Variants in CPLANE1 observed in about 807,000 individuals in gnomAD.
The protein encoded by CPLANE1 is ciliogenesis and planar polarity effector complex subunit 1.
CPLANE1 carries 263 observed loss-of-function variants against 362.5 expected under a neutral mutation model. The observed-to-expected ratio is 0.73, with a 90% confidence interval of 0.66 to 0.80. The LOEUF (loss-of-function observed/expected upper bound fraction) is 0.80. Ranked by LOEUF, CPLANE1 falls within the 30% of genes least tolerant of loss-of-function variation. CPLANE1 has a pLI of 0.00. For missense variants in CPLANE1, 3,461 were observed against 3,793.4 expected, an observed-to-expected ratio of 0.91 and a Z score of 2.30; for synonymous variants, 1,212 against 1,302.6, an observed-to-expected ratio of 0.93 and a Z score of 1.50.
intron 41 of CPLANE1, 56 bp downstream of exon 41, chr5:37,157,257 T>C: frequency 9.0e-7 from 1 of 1,115,318 alleles, no homozygotes; most frequent in Non-Finnish European, 1.2e-6. Flanking sequence ...TTGGTGCTTG[T>C]TTCCAATACA....
At chr5:37,167,256 TCAA>T (rs1457293933) in intron 34 of CPLANE1, 43 bp from the exon 35 acceptor site, 7 of 1,466,942 alleles carry the variant, frequency 4.8e-6, no homozygotes. Context: ...AATTGCAAAC[TCAA>T]TTATGTAATA....
chr5:37,095,562 C>T, the CPLANE1 span, among the ~76,000 whole-genome samples: 7 of 152,150 alleles, frequency 4.6e-5, no homozygotes, highest in African/African-American at 1.2e-4. Flanking sequence ...CAACATAGTA[C>T]TGGAAGACCT....
the CPLANE1 span, among the ~76,000 whole-genome samples, chr5:37,080,165 T>C: frequency 6.6e-6 from 1 of 152,126 alleles, no homozygotes; most frequent in African/African-American, 2.4e-5. Context: ...TTGGACAAAA[T>C]ATATGTAAGG....
At chr5:37,113,495 T>C (rs1314006011) in intron 51 of CPLANE1, among the ~76,000 whole-genome samples, 1 of 152,116 alleles carries the variant, frequency 6.6e-6, no homozygotes, top group Non-Finnish European at 1.5e-5. Context: ...AACAGACTAA[T>C]ACACAAGCAC....
intron 21 of CPLANE1, among the ~76,000 whole-genome samples, chr5:37,188,840 G>C (rs1483992875): frequency 2.0e-5 from 3 of 152,086 alleles, no homozygotes; most frequent in Non-Finnish European, 4.4e-5. Context: ...TGCCTTAATT[G>C]TTTATTTTTA....
chr5:37,097,191 A>T, the CPLANE1 span, among the ~76,000 whole-genome samples: 49 of 152,236 alleles, frequency 3.2e-4, no homozygotes, highest in African/African-American at 1.2e-3. Flanking sequence ...TCGTTTTTTT[A>T]AAAATTAAAA....
intron 20 of CPLANE1, among the ~76,000 whole-genome samples, chr5:37,196,232 C>T (rs1787388091): frequency 2.7e-5 from 4 of 150,756 alleles, no homozygotes; most frequent in Admixed American, 2.6e-4. Flanking sequence ...CACAATTTTG[C>T]CTGTATAAGA....
Position 37,198,768 on chromosome 5 carries a change from C to T in CPLANE1, c.3606G>A (p.Gln1202=), listed in dbSNP as rs1461104707. 2 of 1,613,994 alleles carry T rather than the reference C, an allele frequency of 1.2e-6. No homozygotes were observed. The highest frequency in any genetic ancestry group is 1.7e-5 in the Admixed American group (1 of 59,998). The part of the protein sequence containing the change: ...QRVLLLFRAA[Q]CSFPVAQWYI... The stretch of plus-strand genomic sequence containing the variant: ...ACCACTGTGCTACAGGAAAAGAACA[C>T]TGAGCCGCCCGGAAAAGCAGGAGAA... Residue 1202 remains glutamine, a synonymous_variant, in exon 20 of 53, where the codon CAG becomes CAA. Coordinates refer to ENST00000651892, the MANE Select transcript of CPLANE1 (RefSeq NM_001384732.1).
Position 37,213,727 on chromosome 5 carries a change from C to T in CPLANE1, c.2752G>A (p.Ala918Thr). The T allele has an allele frequency of 3.3e-6, 5 of 1,500,616 alleles. No homozygotes were observed. The highest frequency in any genetic ancestry group is 4.5e-6 in the Non-Finnish European group (5 of 1,116,674). The allele number at this position is 1,500,616 out of a possible 1,614,324, so 93.0% of individuals were successfully genotyped here. Reference protein sequence around the residue: ...VKENKDFSGAAKSHFECGMVG... With the variant: ...VKENKDFSGATKSHFECGMVG... ...ATTCCACACTCAAAATGAGACTTTG[C>T]AGCACCTAAGGAATACAGCAATGAC... The change falls in exon 16 of 53, where the codon GCA becomes ACA. Residue 918 changes from alanine to threonine, a missense_variant. Ala to Thr is a moderately conservative substitution (Grantham distance 58). This residue lies in a region of CPLANE1 where 3,380 missense variants were observed against 3,666.1 expected (regional missense o/e 0.92). Transcript: ENST00000651892.
In CPLANE1 at chr5:37,223,948, AC is replaced by A. The variant is rs1795897857; in HGVS notation, c.2581+304del. 2.0e-5 allele frequency among the ~76,000 whole-genome samples: 3 copies of A among 152,212 alleles called. No individual in the cohort carries two copies. The South Asian group carries it at 6.2e-4, about 32-fold the overall frequency. On this transcript the variant is annotated intron_variant, in intron 14 of 52. Transcript: ENST00000651892. ...GGCTTTATCACAAATCAAAGAAAGGACAGAAGGAGACTTATCTACAGATCAC... is the reference window on the plus strand; with the variant it reads ...GGCTTTATCACAAATCAAAGAAAGGAAGAAGGAGACTTATCTACAGATCAC...
In CPLANE1 at chr5:37,120,359, AATT is replaced by A; in HGVS notation, c.9186-22_9186-20del. 6.5e-7 allele frequency: 1 copy of A among 1,540,576 alleles called. No homozygotes were observed. Among genetic ancestry groups the A allele is most frequent in the African/African-American group, 1.4e-5 (1 of 70,164 alleles). ...ATTCTCTCTATAGTAGAAATCACAT[AATT>A]ATTACATTCCCAGAATCTCATATCA... On this transcript the variant is annotated intron_variant, in intron 49 of 52. Coordinates refer to ENST00000651892, the MANE Select transcript of CPLANE1 (RefSeq NM_001384732.1).
At chr5:37,150,263 T>C (rs773341223) in intron 42 of CPLANE1, among the ~76,000 whole-genome samples, 2 of 152,324 alleles carry the variant, frequency 1.3e-5, no homozygotes, top group African/African-American at 4.8e-5. Context: ...TCAAGTCTTG[T>C]TGAATACTCA....
Position 37,167,040 on chromosome 5 carries a change from G to C in CPLANE1, c.7400+7C>G, listed in dbSNP as rs771022441. On this transcript the variant is annotated splice_region_variant and intron_variant, in intron 35 of 52. Transcript: ENST00000651892. ...TATTATCAAATAAAATTTCACTTAA[G>C]CCTTGCCTTTTTTTACTGTCCTTTC... 4 of 1,600,758 alleles carry C rather than the reference G, an allele frequency of 2.5e-6. No homozygotes were observed. The highest frequency in any genetic ancestry group is 1.7e-6 in the Non-Finnish European group (2 of 1,174,246).
chr5:37,183,574 G>C lies in CPLANE1; in HGVS notation c.4607C>G (p.Pro1536Arg). ...TTCAAATTCCCAAACACCTATTACA[G>C]GAAGTGTATTTTGTGATAACTTTTC... ...DHEKLSQNTL[P>R]VIGVWEFERD... is the part of the protein sequence containing the mutation. The change falls in exon 26 of 53, where the codon CCT becomes CGT. Residue 1536 changes from proline to arginine, a missense_variant. Around this residue, in one of 2 missense-constraint regions of CPLANE1, gnomAD observed 3,380 missense variants for 3,666.1 expected, o/e 0.92. Transcript: ENST00000651892. 6.2e-7 allele frequency: 1 copy of C among 1,612,640 alleles called. No homozygotes were observed.
chr5:37,115,138 T>A, intron 50 of CPLANE1, 89 bp from the exon 51 acceptor site: 1 of 853,662 alleles, frequency 1.2e-6, no homozygotes. Flanking sequence ...GACACCTTGG[T>A]GATCAGCTTT....
In CPLANE1 at chr5:37,168,957, G is replaced by A; in HGVS notation, c.7067C>T (p.Ser2356Phe). The change falls in exon 34 of 53, where the codon TCC becomes TTC. Residue 2356 changes from serine (S) to phenylalanine (F), a missense_variant. This residue lies in a region of CPLANE1 where 3,380 missense variants were observed against 3,666.1 expected (regional missense o/e 0.92). Transcript: ENST00000651892. ...PGTLEISPHH[S>F]FGLPLLYLPL... ...CAGGTATAGTAACGGAAGTCCAAAG[G>A]AATGGTGAGGAGATATCTCAAGGGT... 6.2e-7 allele frequency: 1 copy of A among 1,614,142 alleles called. No individual in the cohort carries two copies. The highest frequency in any genetic ancestry group is 8.5e-7 in the Non-Finnish European group (1 of 1,180,016).
At chr5:37,170,959 C>A (rs1779639294) in intron 32 of CPLANE1, among the ~76,000 whole-genome samples, 1 of 151,988 alleles carries the variant, frequency 6.6e-6, no homozygotes, top group African/African-American at 2.4e-5. Flanking sequence ...GACAGATTCC[C>A]AGAATAAGTA....
In CPLANE1 at chr5:37,243,023, T is replaced by C. The variant is rs766293645; in HGVS notation, c.667A>G (p.Thr223Ala). 4 of 1,538,792 alleles carry C rather than the reference T, an allele frequency of 2.6e-6. No homozygotes were observed. Among genetic ancestry groups the C allele is most frequent in the Non-Finnish European group, 3.5e-6 (4 of 1,140,748 alleles). The stretch of plus-strand genomic sequence containing the variant: ...AAACATTTACCTCACCTTACAGATG[T>C]AAATACATTCTCATGCCACCGAATT... ...LAIRWHENVFTSVRSLPYHVH... is the reference protein window; with the variant it reads ...LAIRWHENVFASVRSLPYHVH... The change falls in exon 6 of 53, where the codon ACA (threonine) becomes GCA (alanine). Residue 223 changes from threonine to alanine, a missense_variant. This residue lies in a region of CPLANE1 where 3,380 missense variants were observed against 3,666.1 expected (regional missense o/e 0.92). Transcript: ENST00000651892.
intron 41 of CPLANE1, among the ~76,000 whole-genome samples, chr5:37,154,620 C>T (rs941778053): frequency 3.0e-4 from 46 of 151,872 alleles, no homozygotes; most frequent in African/African-American, 1.0e-3. Flanking sequence ...TTTTTAAATG[C>T]ACTCTTTTTC....
Sources: allele counts gnomAD v4.1 joint callset (sites outside exome capture counted in the v4.1 genomes callset), GRCh38; gene constraint gnomAD v4.1.1; regional missense constraint gnomAD v4.1.1; transcripts MANE v1.5; gene names NCBI Gene and HGNC (gene_info 2026-07-23, HGNC 2026-07-21).